The following MTR variants were observed in gnomAD, a reference collection of about 807,000 sequenced individuals.
MTR encodes the protein 5-methyltetrahydrofolate-homocysteine methyltransferase.
Under a neutral mutation model 154.8 loss-of-function variants are expected in MTR, and 84 were observed. The ratio of observed to expected loss-of-function variants is 0.54; its 90% CI spans 0.45 to 0.65. The LOEUF (loss-of-function observed/expected upper bound fraction) is 0.65, where lower values mean the gene tolerates loss of function less well. MTR is among the 30% of genes least tolerant of loss of function. The probability of loss-of-function intolerance (pLI) is 0.00; values close to 1 mark genes in which losing one functional copy is unlikely to be tolerated. For synonymous variants in MTR, 554 were observed against 553.9 expected (o/e 1.00, Z 0.00); for missense variants, 1,275 against 1,570.2 (o/e 0.81, Z 3.18).
intron 1 of MTR, among the ~76,000 whole-genome samples, chr1:236,799,467 A>T (rs1261963548): frequency 1.3e-5 from 2 of 152,066 alleles, no homozygotes; most frequent in African/African-American, 4.8e-5. Context: ...GGAGTTTTTT[A>T]TTCAGGCTGC....
At chr1:236,806,331 C>T in intron 3 of MTR, 98 bp downstream of exon 3, 4 of 935,370 alleles carry the variant, frequency 4.3e-6, no homozygotes, top group Non-Finnish European at 7.0e-6. Flanking sequence ...CAGAGTCAAG[C>T]TAATGCCTAG....
At chr1:236,853,939 T>C (rs1180783039) in intron 18 of MTR, among the ~76,000 whole-genome samples, 1 of 152,238 alleles carries the variant, frequency 6.6e-6, no homozygotes, top group African/African-American at 2.4e-5. Context: ...AGTTGAGATC[T>C]TTACCTCAAA....
intron 1 of MTR, among the ~76,000 whole-genome samples, chr1:236,796,589 G>C (rs894351640): frequency 2.0e-5 from 3 of 151,782 alleles, no homozygotes; most frequent in Admixed American, 6.5e-5. Context: ...AAATTTATCA[G>C]AGGTTAACCG....
intron 25 of MTR, among the ~76,000 whole-genome samples, chr1:236,884,723 G>A (rs1462550017): frequency 2.0e-5 from 3 of 152,162 alleles, no homozygotes; most frequent in Admixed American, 2.0e-4. Flanking sequence ...CATGTGTCTA[G>A]CCTTAATTGT....
intron 2 of MTR, among the ~76,000 whole-genome samples, chr1:236,805,940 G>A (rs1322097692): frequency 6.6e-6 from 1 of 152,158 alleles, no homozygotes; most frequent in East Asian, 1.9e-4. Flanking sequence ...CTGAATTCAA[G>A]TTTCGTGTTT....
intron 1 of MTR, among the ~76,000 whole-genome samples, chr1:236,798,032 A>G (rs1660499875): frequency 6.6e-6 from 1 of 152,146 alleles, no homozygotes; most frequent in Non-Finnish European, 1.5e-5. Context: ...TAGAAATTAG[A>G]GATCCAAAAA....
intron 14 of MTR, among the ~76,000 whole-genome samples, chr1:236,838,050 T>TGTG (rs1417090963): frequency 1.3e-5 from 2 of 152,214 alleles, no homozygotes. Context: ...AGGCTAAACC[T>TGTG]TAATCCCTGA....
chr1:236,845,242 T>C (rs779068360), intron 15 of MTR, among the ~76,000 whole-genome samples: 1 of 152,222 alleles, frequency 6.6e-6, no homozygotes, highest in Non-Finnish European at 1.5e-5. Context: ...TGTCTAAGGA[T>C]AGGTTTTCCC....
chr1:236,870,374 C>T (rs971975781), intron 22 of MTR, among the ~76,000 whole-genome samples: 3 of 152,228 alleles, frequency 2.0e-5, no homozygotes, highest in Non-Finnish European at 4.4e-5. Context: ...TCTTTAAACA[C>T]AGAAATGTTC....
chr1:236,884,574 T>C (rs1467819393), intron 25 of MTR, among the ~76,000 whole-genome samples: 3 of 152,164 alleles, frequency 2.0e-5, no homozygotes, highest in Non-Finnish European at 4.4e-5. Flanking sequence ...ATCTCCCCCA[T>C]AGAGTAATCT....
chr1:236,853,129 T>G, intron 18 of MTR, 41 bp downstream of exon 18: 1 of 1,600,304 alleles, frequency 6.2e-7, no homozygotes, highest in African/African-American at 1.3e-5. Flanking sequence ...TTTTCCTATC[T>G]TTGAATGTAT....
intron 8 of MTR, among the ~76,000 whole-genome samples, chr1:236,817,883 AC>A (rs1445715889): frequency 6.6e-6 from 1 of 152,168 alleles, no homozygotes; most frequent in East Asian, 1.9e-4. Context: ...GACCTCCTTT[AC>A]AGCTTATGAG....
At chr1:236,798,074 T>C (rs1363124619) in intron 1 of MTR, among the ~76,000 whole-genome samples, 1 of 152,162 alleles carries the variant, frequency 6.6e-6, no homozygotes, top group Non-Finnish European at 1.5e-5. Flanking sequence ...AAGTGACTTG[T>C]AGGGCAGTAG....
chr1:236,805,951 A>G (rs905284449), intron 2 of MTR, among the ~76,000 whole-genome samples, 193 bp from the exon 3 acceptor site: 8 of 152,124 alleles, frequency 5.3e-5, no homozygotes, highest in African/African-American at 1.4e-4. Context: ...TTTCGTGTTT[A>G]TTTATTCATA....
chr1:236,805,511 C>T (rs1357614311), intron 2 of MTR, among the ~76,000 whole-genome samples: 1 of 148,332 alleles, frequency 6.7e-6, no homozygotes, highest in Non-Finnish European at 1.5e-5. Flanking sequence ...GACAAGGTCT[C>T]ACTCTGTCAC....
At chr1:236,863,407 CA>C (rs995600147) in intron 21 of MTR, 46 bp from the exon 22 acceptor site, 2 of 1,496,988 alleles carry the variant, frequency 1.3e-6, no homozygotes, top group African/African-American at 2.8e-5. Flanking sequence ...CTAGGTGTTC[CA>C]CCCTAAACAA....
At chr1:236,820,295 C>G in intron 8 of MTR, 1 of 752,872 alleles carries the variant, frequency 1.3e-6, no homozygotes, top group Non-Finnish European at 2.4e-6. Context: ...ACTGAAAAGA[C>G]TGTGACCAAG....
chr1:236,823,695 G>T (rs1295990896), intron 8 of MTR, among the ~76,000 whole-genome samples: 1 of 151,198 alleles, frequency 6.6e-6, no homozygotes, highest in Non-Finnish European at 1.5e-5. Context: ...TCCTGGTCTG[G>T]TCTCGTGGAC....
At position 236,838,702 on chromosome 1, in the gene MTR, A is replaced by C. The variant is rs73129143; in HGVS notation, c.1515+103A>C. ...GCTACATATATACATACACATATAC[A>C]TTTATCTCTTTCCATATACATTCAT... On this transcript the variant is annotated intron_variant, in intron 15 of 32. Coordinates refer to ENST00000366577, the MANE Select transcript of MTR (RefSeq NM_000254.3). 27,084 of 1,187,742 alleles carry C rather than the reference A, an allele frequency of 0.023. 636 individuals are homozygous for C. Among genetic ancestry groups the C allele is most frequent in the South Asian group, 0.081 (6,303 of 77,874 alleles). The allele number at this position is 1,187,742 out of a possible 1,614,324, so 73.6% of individuals were successfully genotyped here. A position where few individuals can be genotyped will look rare whatever the true frequency, so the allele number is the denominator to read the frequency against.
Sources: gnomAD v4.1 joint callset for allele counts (sites outside exome capture counted in the v4.1 genomes callset) on GRCh38, gnomAD v4.1.1 for gene constraint, MANE v1.5 for transcripts, NCBI Gene and HGNC (gene_info 2026-07-23, HGNC 2026-07-21) for gene names.